Variants in KIF26B observed in about 807,000 individuals in gnomAD.
KIF26B encodes the protein kinesin family member 26B, also known as kinesin-like protein KIF26B.
Under a neutral mutation model 151.2 loss-of-function variants are expected in KIF26B, and 63 were observed. That is an observed-to-expected ratio of 0.42 (90% CI 0.34 to 0.51). The LOEUF (loss-of-function observed/expected upper bound fraction) is 0.51. KIF26B is among the 20% of genes least tolerant of loss of function. The pLI is 0.07. For missense variants in KIF26B, 2,813 were observed against 2,913.6 expected, an observed-to-expected ratio of 0.97 and a Z score of 0.79; for synonymous variants, 1,357 against 1,262.1, an observed-to-expected ratio of 1.08 and a Z score of -1.59.
chr1:245,567,366 C>T (rs974145596), intron 5 of KIF26B, among the ~76,000 whole-genome samples: 5 of 152,180 alleles, frequency 3.3e-5, no homozygotes, highest in African/African-American at 1.2e-4. Context: ...CTTTCAGCGT[C>T]CAGTGATGGA....
intron 2 of KIF26B, among the ~76,000 whole-genome samples, chr1:245,236,079 G>A (rs1307085665): frequency 3.9e-5 from 6 of 152,000 alleles, no homozygotes; most frequent in South Asian, 4.2e-4. Context: ...ACAGGTGTGC[G>A]CCACCATGCC....
At chr1:245,213,720 C>T (rs1023722940) in intron 2 of KIF26B, among the ~76,000 whole-genome samples, 23 of 152,164 alleles carry the variant, frequency 1.5e-4, no homozygotes, top group African/African-American at 4.6e-4. Flanking sequence ...CACACGTGAC[C>T]GTGTGCCGCA....
intron 10 of KIF26B, among the ~76,000 whole-genome samples, chr1:245,677,336 C>G (rs1453737638): frequency 6.6e-6 from 1 of 152,256 alleles, no homozygotes; most frequent in African/African-American, 2.4e-5. Context: ...TCTGCCAATA[C>G]TTTATTACAC....
intron 4 of KIF26B, among the ~76,000 whole-genome samples, chr1:245,509,284 G>A (rs187601594): frequency 1.3e-4 from 20 of 152,290 alleles, no homozygotes; most frequent in African/African-American, 3.8e-4. Context: ...GATTGGAGCC[G>A]TTCTCTATGT....
intron 10 of KIF26B, among the ~76,000 whole-genome samples, chr1:245,680,927 T>A: frequency 6.6e-6 from 1 of 152,178 alleles, no homozygotes; most frequent in Middle Eastern, 3.2e-3. Context: ...GTGTTTTTCA[T>A]ATTTTTGTGC....
chr1:245,614,257 C>T (rs2043560019), intron 9 of KIF26B, among the ~76,000 whole-genome samples: 1 of 152,142 alleles, frequency 6.6e-6, no homozygotes, highest in African/African-American at 2.4e-5. Context: ...TCACTGCAAC[C>T]TCCGCCTCCC....
rs140191563 is a variant in KIF26B, at chr1:245,214,653, A to G, written c.465+57970A>G. The stretch of plus-strand genomic sequence containing the variant: ...CAGGAGTTTGAGACCAGCCTGGGCA[A>G]CATGGTGAAACCCCGTCTCTAGTAA... On this transcript the variant is annotated intron_variant, in intron 2 of 14. Transcript: ENST00000407071. Among the ~76,000 whole-genome samples, 334 of 152,308 alleles carry G rather than the reference A, an allele frequency of 2.2e-3. 1 individual carries two copies. Among genetic ancestry groups the G allele is most frequent in the African/African-American group, 7.6e-3 (314 of 41,580 alleles).
intron 10 of KIF26B, among the ~76,000 whole-genome samples, chr1:245,672,068 T>G (rs1043731188): frequency 1.3e-5 from 2 of 152,034 alleles, no homozygotes; most frequent in Non-Finnish European, 2.9e-5. Flanking sequence ...GTCAATGAAG[T>G]AACACACACA....
At chr1:245,292,176 C>T (rs1037599636) in intron 2 of KIF26B, among the ~76,000 whole-genome samples, 7 of 152,192 alleles carry the variant, frequency 4.6e-5, no homozygotes, top group Admixed American at 2.0e-4. Context: ...CCGATGACAT[C>T]GAATTCGCAC....
chr1:245,410,557 CT>C (rs1359014335), intron 3 of KIF26B, among the ~76,000 whole-genome samples: 1 of 152,114 alleles, frequency 6.6e-6, no homozygotes, highest in Non-Finnish European at 1.5e-5. Flanking sequence ...TCAAGAGATC[CT>C]CCCACCTCAG....
chr1:245,558,119 G>T (rs879215416), intron 5 of KIF26B, among the ~76,000 whole-genome samples: 1 of 152,192 alleles, frequency 6.6e-6, no homozygotes, highest in African/African-American at 2.4e-5. Flanking sequence ...CCCAGGCTCA[G>T]TAGGGGACTC....
At chr1:245,498,588 T>C (rs1660557585) in intron 4 of KIF26B, among the ~76,000 whole-genome samples, 1 of 152,210 alleles carries the variant, frequency 6.6e-6, no homozygotes, top group Admixed American at 6.5e-5. Flanking sequence ...CAATCATGTA[T>C]ACTGAGCTTT....
At chr1:245,243,308 C>T (rs1014097517) in intron 2 of KIF26B, among the ~76,000 whole-genome samples, 7 of 152,036 alleles carry the variant, frequency 4.6e-5, no homozygotes, top group Non-Finnish European at 1.0e-4. Flanking sequence ...TGAGATTGAC[C>T]ATCTTTGCAA....
rs1553268129 is a variant in KIF26B, at chr1:245,369,195, GAGACAGAC to G, written c.999+1843_999+1850del. Among the ~76,000 whole-genome samples the G allele has an allele frequency of 2.3e-5, 3 of 129,618 alleles. No homozygotes were observed. The East Asian group carries it at 7.1e-4, about 30-fold the overall frequency. 85.0% of individuals were successfully genotyped at this position (129,618 alleles called of 152,430 possible). ...AGAGAGAGAGAGAGAGAGAGAGAGA[GAGACAGAC>G]AGACAGACAGACAGTTTAGTCTCTT... On this transcript the variant is annotated intron_variant, in intron 3 of 14. Coordinates refer to ENST00000407071, the MANE Select transcript of KIF26B (RefSeq NM_018012.4).
At chr1:245,345,955 CAG>C (rs1376800166) in intron 2 of KIF26B, among the ~76,000 whole-genome samples, 1 of 133,118 alleles carries the variant, frequency 7.5e-6, no homozygotes, top group African/African-American at 3.2e-5. Context: ...TTTTTTGAGA[CAG>C]AGTTTTACCC....
intron 2 of KIF26B, among the ~76,000 whole-genome samples, chr1:245,163,322 A>G (rs1379069280): frequency 2.0e-5 from 3 of 152,116 alleles, no homozygotes; most frequent in Admixed American, 2.0e-4. Context: ...TTGTATTTTC[A>G]GTAGAAATGG....
chr1:245,226,591 G>A (rs1669881633), intron 2 of KIF26B, among the ~76,000 whole-genome samples: 1 of 152,056 alleles, frequency 6.6e-6, no homozygotes, highest in Admixed American at 6.5e-5. Flanking sequence ...AGCCTCCTGA[G>A]TAGCTGGGAT....
chr1:245,172,766 C>G (rs1449810578), intron 2 of KIF26B, among the ~76,000 whole-genome samples: 2 of 152,134 alleles, frequency 1.3e-5, no homozygotes, highest in African/African-American at 4.8e-5. Context: ...GCCGATATTG[C>G]ATCACTGCGC....
intron 10 of KIF26B, among the ~76,000 whole-genome samples, chr1:245,672,238 C>T (rs1280533116): frequency 6.6e-6 from 1 of 152,152 alleles, no homozygotes; most frequent in Non-Finnish European, 1.5e-5. Context: ...GGATCCCCAA[C>T]TGAGTGCTGG....
Sources: gnomAD v4.1 joint callset for allele counts (sites outside exome capture counted in the v4.1 genomes callset) on GRCh38, gnomAD v4.1.1 for gene constraint, MANE v1.5 for transcripts, NCBI Gene and HGNC (gene_info 2026-07-23, HGNC 2026-07-21) for gene names.